LRFN5: variants seen among roughly 807,000 people sequenced by gnomAD.
LRFN5 encodes leucine rich repeat and fibronectin type III domain containing 5.
In LRFN5, 24 loss-of-function variants were observed where a neutral mutation model predicts 45.6. The ratio of observed to expected loss-of-function variants is 0.53; its 90% CI spans 0.38 to 0.74. The LOEUF is 0.74. LRFN5 is among the 30% of genes least tolerant of loss of function. LRFN5 has a pLI of 0.00. For missense variants in LRFN5, 776 were observed against 861.5 expected (o/e 0.90, Z 1.24); for synonymous variants, 340 against 313.8 (o/e 1.08, Z -0.88).
intron 1 of LRFN5, among the ~76,000 whole-genome samples, chr14:41,710,193 A>G (rs966855627): frequency 5.9e-5 from 9 of 152,148 alleles, no homozygotes; most frequent in African/African-American, 2.2e-4. Flanking sequence ...TTGTGTTCCA[A>G]TATAATACTG....
chr14:41,887,387 G>A lies in LRFN5; in HGVS notation c.762G>A (p.Leu254=). The change falls in exon 3 of 6, where the codon CTG becomes CTA. Residue 254 remains leucine, a synonymous_variant. Coordinates refer to ENST00000298119, the MANE Select transcript of LRFN5 (RefSeq NM_152447.5). This position sits in a 1 kb window ranked among gnomAD's most constrained non-coding sequence, Gnocchi z 4.8. ...GTGAATTGTTGTGGTTGAGGCGTCTGTCCAGAGAAGATGACTTAGAGACCT... is the reference window on the plus strand; with the variant it reads ...GTGAATTGTTGTGGTTGAGGCGTCTATCCAGAGAAGATGACTTAGAGACCT... ...CNCELLWLRR[L]SREDDLETCA... is the part of the protein sequence containing the mutation. 6.2e-7 allele frequency: 1 copy of A among 1,614,206 alleles called. No individual in the cohort carries two copies. The highest frequency in any genetic ancestry group is 1.1e-5 in the South Asian group (1 of 91,080).
chr14:41,634,074 T>C (rs1888644251), intron 1 of LRFN5, among the ~76,000 whole-genome samples: 1 of 152,180 alleles, frequency 6.6e-6, no homozygotes, highest in Admixed American at 6.6e-5. Flanking sequence ...TTATTCTCAT[T>C]AGCTTTCAAT....
chr14:41,806,600 T>C (rs1887534755), intron 2 of LRFN5, among the ~76,000 whole-genome samples: 1 of 152,190 alleles, frequency 6.6e-6, no homozygotes, highest in African/African-American at 2.4e-5. Flanking sequence ...CCACATCCTT[T>C]ATACTGGGAA....
chr14:41,633,448 TACATTTCAATAACTTTGA>T (rs978643137), intron 1 of LRFN5, among the ~76,000 whole-genome samples: 1 of 152,154 alleles, frequency 6.6e-6, no homozygotes, highest in African/African-American at 2.4e-5. Context: ...CCTTAGCAGA[TACATTTCAATAACTTTGA>T]AAAATTATGA....
At chr14:41,803,927 G>A (rs57125745) in intron 2 of LRFN5, among the ~76,000 whole-genome samples, 22,802 of 151,998 alleles carry the variant, frequency 0.15, 1,919 homozygotes, top group East Asian at 0.21. Flanking sequence ...GCAGTGGCAC[G>A]ATCTAGGCTC....
chr14:41,675,231 C>G lies in LRFN5; in HGVS notation c.-197+66669C>G, dbSNP rs543966594. 6.0e-4 allele frequency among the ~76,000 whole-genome samples: 92 copies of G among 152,358 alleles called. 1 individual carries two copies. Among genetic ancestry groups the G allele is most frequent in the African/African-American group, 1.9e-3 (81 of 41,590 alleles). The stretch of plus-strand genomic sequence containing the variant: ...CCAGGCAGAGGCTGCAATCTCGGCA[C>G]TTTGGGAGGCCAAGGCAGGCGGGTG... On this transcript the variant is annotated intron_variant, in intron 1 of 5. Coordinates refer to ENST00000298119, the MANE Select transcript of LRFN5 (RefSeq NM_152447.5).
intron 2 of LRFN5, among the ~76,000 whole-genome samples, chr14:41,838,651 A>C (rs1888749679): frequency 6.6e-6 from 1 of 152,184 alleles, no homozygotes. Context: ...AGGCAAAAAT[A>C]ATTAAATGAA....
At chr14:41,783,527 A>G (rs945129602) in intron 2 of LRFN5, among the ~76,000 whole-genome samples, 1 of 152,114 alleles carries the variant, frequency 6.6e-6, no homozygotes, top group Non-Finnish European at 1.5e-5. Context: ...AACCTTATCA[A>G]TCATTTTTAG....
chr14:41,840,397 A>T (rs1888817940), intron 2 of LRFN5, among the ~76,000 whole-genome samples: 1 of 152,068 alleles, frequency 6.6e-6, no homozygotes, highest in Non-Finnish European at 1.5e-5. Flanking sequence ...TTTTCAAAGC[A>T]GCAATTCCTG....
chr14:41,900,542 A>C (rs975331381), intron 5 of LRFN5, among the ~76,000 whole-genome samples: 2 of 152,136 alleles, frequency 1.3e-5, no homozygotes, highest in African/African-American at 4.8e-5. Context: ...TGACTGTCAT[A>C]TATTATAGAA....
At position 41,891,843 on chromosome 14, in the gene LRFN5, T is replaced by G; in HGVS notation, c.1979T>G (p.Val660Gly). The G allele has an allele frequency of 6.2e-7, 1 of 1,614,116 alleles. No homozygotes were observed. The highest frequency in any genetic ancestry group is 1.1e-5 in the South Asian group (1 of 91,082). Residue 660 changes from valine (V) to glycine (G), a missense_variant, in exon 4 of 6, where the codon GTC (valine) becomes GGC (glycine). Coordinates refer to ENST00000298119, the MANE Select transcript of LRFN5 (RefSeq NM_152447.5). ...KPSTEPQNEA[V>G]TNVESQNTNR... Reference sequence around the variant, plus strand: ...AGTACAGAACCACAGAATGAAGCCGTCACAAATGTTGAATCCCAAAACACT... The same window carrying G: ...AGTACAGAACCACAGAATGAAGCCGGCACAAATGTTGAATCCCAAAACACT...
At chr14:41,857,786 T>C (rs1257406297) in intron 2 of LRFN5, among the ~76,000 whole-genome samples, 1 of 152,204 alleles carries the variant, frequency 6.6e-6, no homozygotes, top group Non-Finnish European at 1.5e-5. Context: ...GATAAGAAGA[T>C]AGCAATTTAT....
chr14:41,841,579 G>T (rs945244693), intron 2 of LRFN5, among the ~76,000 whole-genome samples: 1 of 151,812 alleles, frequency 6.6e-6, no homozygotes. Flanking sequence ...CTGTTCCATT[G>T]CATGAGTGTA....
intron 2 of LRFN5, among the ~76,000 whole-genome samples, chr14:41,820,822 G>T (rs996306787): frequency 4.6e-5 from 7 of 151,836 alleles, no homozygotes; most frequent in Non-Finnish European, 1.0e-4. Context: ...TAATTGTACA[G>T]ATCTTCACCT....
intron 1 of LRFN5, among the ~76,000 whole-genome samples, chr14:41,752,387 T>A (rs1191454595): frequency 6.6e-6 from 1 of 152,186 alleles, no homozygotes; most frequent in African/African-American, 2.4e-5. Flanking sequence ...ACCAACAGTG[T>A]AAAAGTGTTC....
intron 1 of LRFN5, chr14:41,701,605 C>A (rs1050950369): frequency 2.6e-5 from 4 of 152,128 alleles, no homozygotes; most frequent in Non-Finnish European, 4.4e-5. Flanking sequence ...GTCCTACCTG[C>A]ATGAATATAG....
intron 1 of LRFN5, among the ~76,000 whole-genome samples, chr14:41,758,856 C>G (rs1039882994): frequency 2.0e-5 from 3 of 152,180 alleles, no homozygotes; most frequent in African/African-American, 7.2e-5. Flanking sequence ...TTAAAATATT[C>G]TCTTCTTTTT....
intron 1 of LRFN5, among the ~76,000 whole-genome samples, chr14:41,689,851 C>T (rs1243880315): frequency 1.5e-5 from 2 of 137,134 alleles, no homozygotes; most frequent in South Asian, 2.3e-4. Flanking sequence ...GCCGAGATTG[C>T]GCCACTGCAC....
At chr14:41,811,901 C>T (rs1381083285) in intron 2 of LRFN5, among the ~76,000 whole-genome samples, 4 of 152,004 alleles carry the variant, frequency 2.6e-5, no homozygotes, top group African/African-American at 9.7e-5. Flanking sequence ...GAATTATATA[C>T]TTTAAAAGGG....
Sources: allele counts gnomAD v4.1 joint callset (sites outside exome capture counted in the v4.1 genomes callset), GRCh38; gene constraint gnomAD v4.1.1; non-coding constraint Gnocchi (gnomAD v3.1); transcripts MANE v1.5; gene names NCBI Gene and HGNC (gene_info 2026-07-23, HGNC 2026-07-21).